Variants in PCYT1A observed in about 807,000 individuals in gnomAD.
The protein encoded by PCYT1A is choline-phosphate cytidylyltransferase A.
PCYT1A carries 25 observed loss-of-function variants against 43.7 expected under a neutral mutation model. The ratio of observed to expected loss-of-function variants is 0.57; its 90% CI spans 0.42 to 0.80. The LOEUF (loss-of-function observed/expected upper bound fraction) is 0.80. Ranked by LOEUF, PCYT1A falls within the 30% of genes least tolerant of loss-of-function variation. PCYT1A has a pLI of 0.00. For synonymous variants in PCYT1A, 172 were observed against 170.7 expected, an observed-to-expected ratio of 1.01 and a Z score of -0.06; for missense variants, 421 against 474.2, an observed-to-expected ratio of 0.89 and a Z score of 1.04.
chr3:196,278,358 T>C (rs3772109), intron 1 of PCYT1A, among the ~76,000 whole-genome samples: 57,263 of 152,002 alleles, frequency 0.38, 11,517 homozygotes, highest in East Asian at 0.81. Flanking sequence ...TAAGGTACAG[T>C]GATGGCTCTG....
At chr3:196,254,358 ATTTAT>A (rs1187145300) in intron 3 of PCYT1A, among the ~76,000 whole-genome samples, 1 of 151,012 alleles carries the variant, frequency 6.6e-6, no homozygotes, top group East Asian at 1.9e-4. Flanking sequence ...TTATTTATGT[ATTTAT>A]TTATTTTTTA....
chr3:196,251,160 T>G (rs553270822), intron 3 of PCYT1A, among the ~76,000 whole-genome samples: 227 of 150,690 alleles, frequency 1.5e-3, no homozygotes, highest in Non-Finnish European at 2.6e-3. Flanking sequence ...ATGCTGAGGC[T>G]GAGGATCACA....
intron 5 of PCYT1A, among the ~76,000 whole-genome samples, chr3:196,245,532 T>C (rs1172954055): frequency 6.6e-6 from 1 of 152,172 alleles, no homozygotes; most frequent in Non-Finnish European, 1.5e-5. Flanking sequence ...TAAACTTCAC[T>C]TACTCCTTCC....
intron 1 of PCYT1A, among the ~76,000 whole-genome samples, chr3:196,281,356 G>T (rs1375529725): frequency 6.6e-6 from 1 of 152,222 alleles, no homozygotes; most frequent in East Asian, 1.9e-4. Flanking sequence ...GAAGCTTGAA[G>T]GAGTATATGG....
intron 2 of PCYT1A, among the ~76,000 whole-genome samples, chr3:196,264,203 A>G (rs1194757632): frequency 6.6e-6 from 1 of 152,120 alleles, no homozygotes; most frequent in Admixed American, 6.6e-5. Context: ...TTTGTCCTTC[A>G]TATCTCAGTA....
At chr3:196,262,254 T>C (rs1346015297) in intron 2 of PCYT1A, among the ~76,000 whole-genome samples, 1 of 152,188 alleles carries the variant, frequency 6.6e-6, no homozygotes, top group Non-Finnish European at 1.5e-5. Flanking sequence ...CCCAACTCTA[T>C]CATTTAATAC....
rs186602447 is a variant in PCYT1A at position 196,277,904 on chromosome 3, C to T, written c.-10-7363G>A. Among the ~76,000 whole-genome samples, 4 of 152,256 alleles carry T rather than the reference C, an allele frequency of 2.6e-5. No homozygotes were observed. Among genetic ancestry groups the T allele is most frequent in the African/African-American group, 4.8e-5 (2 of 41,538 alleles). ...ATAATAACAATAATAAACTTTTACT[C>T]TGTAGGTCTCACAAGTTTTTTTCAT... On this transcript the variant is annotated intron_variant, in intron 1 of 8. Coordinates refer to ENST00000431016, the MANE Select transcript of PCYT1A (RefSeq NM_001312673.2). This position sits in a 1 kb window ranked among gnomAD's most constrained non-coding sequence, Gnocchi z 4.1.
intron 1 of PCYT1A, among the ~76,000 whole-genome samples, chr3:196,271,183 C>T (rs1007544253): frequency 1.5e-5 from 2 of 136,726 alleles, no homozygotes; most frequent in Non-Finnish European, 3.2e-5. Context: ...TGCCACCACA[C>T]CTAGTTATTT....
chr3:196,274,780 A>G (rs529057206), intron 1 of PCYT1A, among the ~76,000 whole-genome samples: 6 of 152,364 alleles, frequency 3.9e-5, no homozygotes, highest in African/African-American at 1.4e-4. Context: ...CCTAATTCTT[A>G]GAAGCTGAAG....
intron 5 of PCYT1A, among the ~76,000 whole-genome samples, chr3:196,244,051 G>A (rs1468496050): frequency 2.6e-5 from 4 of 151,284 alleles, no homozygotes; most frequent in African/African-American, 9.7e-5. Flanking sequence ...GAAGTGAGGA[G>A]CGCCTCTTCC....
At position 196,242,884 on chromosome 3, in the gene PCYT1A, C is replaced by T; in HGVS notation, c.487-244G>A. 5.7e-6 allele frequency: 3 copies of T among 528,460 alleles called. No homozygotes were observed. Among genetic ancestry groups the T allele is most frequent in the Non-Finnish European group, 1.0e-5 (3 of 290,918 alleles). 32.7% of individuals were successfully genotyped at this position (528,460 alleles called of 1,614,324 possible). A position where few individuals can be genotyped will look rare whatever the true frequency, so the allele number is the denominator to read the frequency against. The stretch of plus-strand genomic sequence containing the variant: ...AGCTATTTCTCCTAGTCTGCTAGAA[C>T]TGTTACCCTCACTCTGTATACCAGT... On this transcript the variant is annotated intron_variant, in intron 5 of 8. Coordinates refer to ENST00000431016, the MANE Select transcript of PCYT1A (RefSeq NM_001312673.2). This position sits in a 1 kb window ranked among gnomAD's most constrained non-coding sequence, Gnocchi z 4.2.
In PCYT1A at chr3:196,247,361, T is replaced by C; in HGVS notation, c.486+6A>G. The C allele has an allele frequency of 3.1e-6, 5 of 1,613,742 alleles. No individual in the cohort carries two copies. Among genetic ancestry groups the C allele is most frequent in the East Asian group, 2.2e-5 (1 of 44,892 alleles). On this transcript the variant is annotated splice_donor_region_variant and intron_variant, in intron 5 of 8. Transcript: ENST00000431016. This position sits in a 1 kb window ranked among gnomAD's most constrained non-coding sequence, Gnocchi z 4.8. ...AAGGAATGGGAATATGTGTCCAGTT[T>C]CTTACCCGGTGTTCGGCCAGGAACT...
chr3:196,239,346 G>A (rs1724280937), intron 8 of PCYT1A, among the ~76,000 whole-genome samples: 1 of 152,210 alleles, frequency 6.6e-6, no homozygotes. Context: ...GAGAGAGCTG[G>A]CAAAATTATC....
intron 5 of PCYT1A, among the ~76,000 whole-genome samples, chr3:196,245,072 C>A (rs1016889222): frequency 4.0e-5 from 6 of 151,420 alleles, no homozygotes; most frequent in Admixed American, 2.6e-4. Context: ...GCGAGAAACA[C>A]CCAAGAATGA....
In PCYT1A at chr3:196,252,071, G is replaced by A. The variant is rs1164110568; in HGVS notation, c.218-3748C>T. On this transcript the variant is annotated intron_variant, in intron 3 of 8. Coordinates refer to ENST00000431016, the MANE Select transcript of PCYT1A (RefSeq NM_001312673.2). This position sits in a 1 kb window ranked among gnomAD's most constrained non-coding sequence, Gnocchi z 4.0. ...ACTACAGCGCACACCACCACGCCCC[G>A]CTGACTACAGCGCACCCCGCCACGC... 4.1e-5 allele frequency among the ~76,000 whole-genome samples: 6 copies of A among 148,006 alleles called. No homozygotes were observed. The highest frequency in any genetic ancestry group is 2.7e-4 in the Admixed American group (4 of 15,052).
chr3:196,241,981 G>A lies in PCYT1A; in HGVS notation c.675C>T (p.Tyr225=), dbSNP rs1477334971. ...AGCTGACATTGAGCTCCTTTGCTGT[G>A]TAGCCCCTCTGCAGGTTCCGCCTCG... ...VYARRNLQRG[Y]TAKELNVSFI... The change falls in exon 7 of 9, where the codon TAC becomes TAT. Residue 225 remains tyrosine (Y), a synonymous_variant. Coordinates refer to ENST00000431016, the MANE Select transcript of PCYT1A (RefSeq NM_001312673.2). 6.2e-7 allele frequency: 1 copy of A among 1,614,196 alleles called. No homozygotes were observed. The highest frequency in any genetic ancestry group is 8.5e-7 in the Non-Finnish European group (1 of 1,180,018).
At chr3:196,280,824 A>T (rs1725749217) in intron 1 of PCYT1A, among the ~76,000 whole-genome samples, 1 of 152,118 alleles carries the variant, frequency 6.6e-6, no homozygotes, top group Admixed American at 6.6e-5. Flanking sequence ...AAAATATCTT[A>T]CTACATCATA....
chr3:196,258,595 T>TC (rs1406736345), intron 2 of PCYT1A, among the ~76,000 whole-genome samples: 1 of 62,206 alleles, frequency 1.6e-5, no homozygotes, highest in African/African-American at 5.5e-5. Flanking sequence ...AATCTGGATT[T>TC]TTTTTTTTTT....
At chr3:196,278,407 A>C (rs1374642024) in intron 1 of PCYT1A, among the ~76,000 whole-genome samples, 1 of 152,084 alleles carries the variant, frequency 6.6e-6, no homozygotes, top group East Asian at 1.9e-4. Flanking sequence ...TTCAAAGGGG[A>C]AAAAAAATAC....
Sources: allele counts gnomAD v4.1 joint callset (sites outside exome capture counted in the v4.1 genomes callset), GRCh38; gene constraint gnomAD v4.1.1; non-coding constraint Gnocchi (gnomAD v3.1); transcripts MANE v1.5; gene names NCBI Gene and HGNC (gene_info 2026-07-23, HGNC 2026-07-21).